Variants in CDH8 observed in about 807,000 individuals in gnomAD.
CDH8 encodes cadherin-8.
Under a neutral mutation model 68.1 loss-of-function variants are expected in CDH8, and 17 were observed. That is an observed-to-expected ratio of 0.25 (90% CI 0.17 to 0.37). The LOEUF (loss-of-function observed/expected upper bound fraction) is 0.37, where lower values mean the gene tolerates loss of function less well. Ranked by LOEUF, CDH8 falls within the 10% of genes least tolerant of loss-of-function variation. The pLI is 1.00. For synonymous variants in CDH8, 372 were observed against 365.1 expected, an observed-to-expected ratio of 1.02 and a Z score of -0.21; for missense variants, 763 against 999.3, an observed-to-expected ratio of 0.76 and a Z score of 3.19.
intron 8 of CDH8, among the ~76,000 whole-genome samples, chr16:61,739,409 C>A (rs1455354435): frequency 1.3e-5 from 2 of 151,744 alleles, no homozygotes; most frequent in Non-Finnish European, 2.9e-5. Context: ...TGTAAACTAC[C>A]CAGCATCTAT....
chr16:61,848,383 A>T (rs1962861574), intron 4 of CDH8, among the ~76,000 whole-genome samples: 1 of 152,098 alleles, frequency 6.6e-6, no homozygotes, highest in Admixed American at 6.6e-5. Flanking sequence ...GACTCTAGCT[A>T]TGGTCAACAC....
chr16:61,802,899 A>G (rs1256610239), intron 7 of CDH8, among the ~76,000 whole-genome samples: 62 of 94,544 alleles, frequency 6.6e-4, no homozygotes, highest in South Asian at 1.3e-3. Flanking sequence ...TCTGCAGGAT[A>G]TTATCCAGGA....
intron 8 of CDH8, among the ~76,000 whole-genome samples, chr16:61,738,877 A>C (rs1359241500): frequency 6.6e-6 from 1 of 151,968 alleles, no homozygotes; most frequent in Admixed American, 6.6e-5. Flanking sequence ...CTGTGTCTTC[A>C]TCCTATTATG....
rs191456576 is a variant in CDH8, at chr16:61,767,941, C to T, written c.1414+21405G>A. ...AGAACTCAGAGAGATACAATAGCTGCCCAATTTTCTCCTTCCTACAGTGTT... is the reference window on the plus strand; with the variant it reads ...AGAACTCAGAGAGATACAATAGCTGTCCAATTTTCTCCTTCCTACAGTGTT... On this transcript the variant is annotated intron_variant, in intron 8 of 11. Transcript: ENST00000577390. Among the ~76,000 whole-genome samples, 293 of 151,920 alleles carry T rather than the reference C, an allele frequency of 1.9e-3. 1 individual carries two copies. Among genetic ancestry groups the T allele is most frequent in the African/African-American group, 6.8e-3 (282 of 41,492 alleles).
chr16:61,962,488 C>T (rs1422724635), intron 2 of CDH8, among the ~76,000 whole-genome samples: 1 of 152,146 alleles, frequency 6.6e-6, no homozygotes, highest in East Asian at 1.9e-4. Context: ...TGTACCATCA[C>T]ATGATCTGCA....
At chr16:61,934,905 C>A (rs1030564363) in intron 2 of CDH8, among the ~76,000 whole-genome samples, 3 of 152,170 alleles carry the variant, frequency 2.0e-5, no homozygotes, top group Non-Finnish European at 2.9e-5. Context: ...CAGGACATGA[C>A]TCCAAAGTTA....
intron 1 of CDH8, among the ~76,000 whole-genome samples, chr16:62,034,719 T>A (rs1367971499): frequency 6.6e-6 from 1 of 152,068 alleles, no homozygotes; most frequent in African/African-American, 2.4e-5. Flanking sequence ...GAAACTCTTG[T>A]GGAATCTTCA....
intron 3 of CDH8, among the ~76,000 whole-genome samples, chr16:61,865,320 T>G (rs1963234104): frequency 1.3e-5 from 2 of 152,200 alleles, no homozygotes; most frequent in Admixed American, 6.5e-5. Flanking sequence ...GAAACATCCA[T>G]GCACACTTAA....
intron 3 of CDH8, among the ~76,000 whole-genome samples, chr16:61,876,872 T>C (rs1310132891): frequency 1.3e-5 from 2 of 152,156 alleles, no homozygotes; most frequent in East Asian, 1.9e-4. Flanking sequence ...GTGGGTCTTA[T>C]AGTCAATAAG....
chr16:61,897,670 T>C (rs889797863), intron 3 of CDH8, among the ~76,000 whole-genome samples: 1 of 152,316 alleles, frequency 6.6e-6, no homozygotes, highest in African/African-American at 2.4e-5. Context: ...CTCTGTTCAA[T>C]GTTTATTAAC....
rs1963366063 is a variant in CDH8 at position 61,653,338 on chromosome 16, G to A, written c.*270C>T. Reference sequence around the variant, plus strand: ...AGGATTAGCCAGGATCCCAATCTTTGTCTGTGGTGGTCAGGTAAATATCAA... The same window carrying A: ...AGGATTAGCCAGGATCCCAATCTTTATCTGTGGTGGTCAGGTAAATATCAA... On this transcript the variant is annotated 3_prime_UTR_variant, in exon 12 of 12. Transcript: ENST00000577390. The A allele has an allele frequency of 8.2e-7, 1 of 1,218,938 alleles. No individual in the cohort carries two copies. The highest frequency in any genetic ancestry group is 1.0e-6 in the Non-Finnish European group (1 of 981,450). 75.5% of individuals were successfully genotyped at this position (1,218,938 alleles called of 1,614,324 possible).
chr16:61,880,281 G>T (rs1334950916), intron 3 of CDH8, among the ~76,000 whole-genome samples: 2 of 152,104 alleles, frequency 1.3e-5, no homozygotes, highest in African/African-American at 4.8e-5. Flanking sequence ...AAGCTGGAAG[G>T]GTAAATAAAA....
At chr16:61,973,741 A>G (rs1419092810) in intron 2 of CDH8, among the ~76,000 whole-genome samples, 1 of 152,222 alleles carries the variant, frequency 6.6e-6, no homozygotes. Context: ...TCTAAAGAAA[A>G]GACCCACAAC....
At chr16:61,949,682 G>C (rs1485606040) in intron 2 of CDH8, among the ~76,000 whole-genome samples, 1 of 151,910 alleles carries the variant, frequency 6.6e-6, no homozygotes, top group African/African-American at 2.4e-5. Flanking sequence ...TTGGGAAAAT[G>C]TTACAGTTAA....
intron 2 of CDH8, 83 bp downstream of exon 2, chr16:62,021,069 G>T (rs1037395929): frequency 1.7e-6 from 2 of 1,195,070 alleles, no homozygotes; most frequent in Non-Finnish European, 2.4e-6. Flanking sequence ...GCTAAGTGTG[G>T]TCACAATTAA....
At chr16:61,769,656 G>A (rs2142984169) in intron 8 of CDH8, among the ~76,000 whole-genome samples, 1 of 151,614 alleles carries the variant, frequency 6.6e-6, no homozygotes, top group Non-Finnish European at 1.5e-5. Context: ...ATTTCCAAAT[G>A]GATTTATTTT....
intron 10 of CDH8, among the ~76,000 whole-genome samples, chr16:61,697,179 T>C (rs1379353902): frequency 1.3e-5 from 2 of 152,126 alleles, no homozygotes; most frequent in African/African-American, 2.4e-5. Context: ...ATTGAGATGA[T>C]GCTTTTCTGA....
chr16:61,850,043 T>C (rs1001643889), intron 4 of CDH8, among the ~76,000 whole-genome samples: 5 of 152,244 alleles, frequency 3.3e-5, no homozygotes, highest in Admixed American at 1.3e-4. Flanking sequence ...AGTGGACTTA[T>C]ATACTATCCA....
chr16:61,994,158 T>G (rs984209308), intron 2 of CDH8, among the ~76,000 whole-genome samples: 2 of 152,222 alleles, frequency 1.3e-5, no homozygotes, highest in African/African-American at 2.4e-5. Context: ...TTTGCCATTT[T>G]TAAATTGCAT....
Sources: gnomAD v4.1 joint callset for allele counts (sites outside exome capture counted in the v4.1 genomes callset) on GRCh38, gnomAD v4.1.1 for gene constraint, MANE v1.5 for transcripts, NCBI Gene and HGNC (gene_info 2026-07-23, HGNC 2026-07-21) for gene names.